Variants in ARHGAP20 observed in about 807,000 individuals in gnomAD.
ARHGAP20 encodes rho GTPase-activating protein 20.
Under a neutral mutation model 73.7 loss-of-function variants are expected in ARHGAP20, and 34 were observed. The ratio of observed to expected loss-of-function variants is 0.46; its 90% confidence interval spans 0.35 to 0.61. ARHGAP20 has a LOEUF of 0.61. Among genes scored for constraint, ARHGAP20 ranks in the 20% least tolerant of loss-of-function variants. The pLI, the probability that ARHGAP20 is intolerant of heterozygous loss-of-function variation, is 0.00. For synonymous variants in ARHGAP20, 523 were observed against 518.2 expected, an observed-to-expected ratio of 1.01 and a Z score of -0.13; for missense variants, 1,314 against 1,420.9, an observed-to-expected ratio of 0.92 and a Z score of 1.21.
intron 2 of ARHGAP20, among the ~76,000 whole-genome samples, chr11:110,659,887 C>T (rs1217849843): frequency 2.7e-5 from 4 of 150,620 alleles, no homozygotes; most frequent in Admixed American, 6.6e-5. Context: ...GGGAATATCA[C>T]ACTCTGAGGA....
intron 9 of ARHGAP20, among the ~76,000 whole-genome samples, chr11:110,604,685 C>T (rs1235579933): frequency 5.3e-5 from 8 of 151,886 alleles, no homozygotes; most frequent in Admixed American, 1.3e-4. Flanking sequence ...CCAAGGGGAA[C>T]GAAAAATTTT....
intron 9 of ARHGAP20, among the ~76,000 whole-genome samples, chr11:110,600,814 T>A (rs1400729744): frequency 6.9e-6 from 1 of 145,304 alleles, no homozygotes; most frequent in Non-Finnish European, 1.5e-5. Context: ...CCACTGGGGA[T>A]CAACCATTCC....
At chr11:110,681,174 A>G (rs1950030190) in intron 2 of ARHGAP20, among the ~76,000 whole-genome samples, 1 of 152,242 alleles carries the variant, frequency 6.6e-6, no homozygotes. Flanking sequence ...AAGACAGCAC[A>G]TGGAACAGTG....
At chr11:110,707,049 A>C (rs1441357364) in intron 1 of ARHGAP20, among the ~76,000 whole-genome samples, 3 of 152,146 alleles carry the variant, frequency 2.0e-5, no homozygotes. Flanking sequence ...GAGGTGTTAT[A>C]AACAGATTTG....
chr11:110,628,050 A>T (rs1338762728), intron 3 of ARHGAP20, among the ~76,000 whole-genome samples: 1 of 152,206 alleles, frequency 6.6e-6, no homozygotes, highest in Non-Finnish European at 1.5e-5. Flanking sequence ...AAAAGAAGGA[A>T]GTATTTAATA....
intron 14 of ARHGAP20, 47 bp from the exon 15 acceptor site, chr11:110,581,272 T>C (rs1220526258): frequency 1.3e-6 from 2 of 1,520,814 alleles, no homozygotes; most frequent in Non-Finnish European, 1.8e-6. Context: ...TTACCACAAA[T>C]ATACTCATGC....
chr11:110,611,212 T>C, intron 7 of ARHGAP20, 97 bp downstream of exon 7: 4 of 734,322 alleles, frequency 5.4e-6, no homozygotes, highest in Non-Finnish European at 8.6e-6. Context: ...TTGGTATCTC[T>C]AATAATCAGC....
At chr11:110,659,022 G>A (rs1235745875) in intron 2 of ARHGAP20, among the ~76,000 whole-genome samples, 5 of 151,584 alleles carry the variant, frequency 3.3e-5, no homozygotes, top group South Asian at 2.1e-4. Flanking sequence ...ATAAACATAC[G>A]TGTGCATGTG....
intron 1 of ARHGAP20, among the ~76,000 whole-genome samples, chr11:110,697,842 G>A (rs1352139442): frequency 6.6e-6 from 1 of 151,826 alleles, no homozygotes; most frequent in African/African-American, 2.4e-5. Context: ...AGTATAATTT[G>A]AAGTCAGGCA....
At chr11:110,649,954 T>C (rs1355218749) in intron 2 of ARHGAP20, among the ~76,000 whole-genome samples, 9 of 152,144 alleles carry the variant, frequency 5.9e-5, no homozygotes. Context: ...CCATAGCTTA[T>C]GTTTAAATTA....
At position 110,619,656 on chromosome 11, in the gene ARHGAP20, T is replaced by C. The variant is rs35833201; in HGVS notation, c.504-4062A>G. ...AGTATATGCAGTGATAGAGTATATG[T>C]AGTGATAGAGTATATGCAGTGATAG... is the stretch of plus-strand genomic sequence containing the variant. On this transcript the variant is annotated intron_variant, in intron 4 of 14. Coordinates refer to ENST00000683387, the MANE Select transcript of ARHGAP20 (RefSeq NM_001384657.1). Among the ~76,000 whole-genome samples the C allele has an allele frequency of 3.9e-3, 446 of 114,056 alleles. 7 individuals carry two copies. Among genetic ancestry groups the C allele is most frequent in the African/African-American group, 0.012 (377 of 32,664 alleles). The allele number at this position is 114,056 out of a possible 152,430, so 74.8% of individuals were successfully genotyped here.
chr11:110,694,738 T>C (rs1950305060), intron 1 of ARHGAP20, among the ~76,000 whole-genome samples: 1 of 151,572 alleles, frequency 6.6e-6, no homozygotes, highest in South Asian at 2.1e-4. Context: ...ATTTTCTCCC[T>C]TCCTTCAACA....
chr11:110,665,930 T>G (rs2135055837), intron 2 of ARHGAP20, among the ~76,000 whole-genome samples: 1 of 152,112 alleles, frequency 6.6e-6, no homozygotes, highest in African/African-American at 2.4e-5. Context: ...CGAGAAATGC[T>G]ACCAGATAAG....
At position 110,580,187 on chromosome 11, in the gene ARHGAP20, T is replaced by C; in HGVS notation, c.2759A>G (p.Glu920Gly). ...GKSSATNQNT[E>G]KVLPPRLNLC... is the part of the protein sequence containing the mutation. Reference sequence around the variant, plus strand: ...GTTTAATCTTGGGGGTAAAACCTTCTCAGTGTTTTGGTTTGTGGCACTACT... The same window carrying C: ...GTTTAATCTTGGGGGTAAAACCTTCCCAGTGTTTTGGTTTGTGGCACTACT... Residue 920 changes from glutamate (E) to glycine (G), a missense_variant, in exon 15 of 15, where the codon GAG becomes GGG. Physicochemically the swap from Glu to Gly is moderately conservative, Grantham distance 98. Transcript: ENST00000683387. The C allele has an allele frequency of 6.2e-7, 1 of 1,614,220 alleles. No homozygotes were observed. Among genetic ancestry groups the C allele is most frequent in the Non-Finnish European group, 8.5e-7 (1 of 1,180,044 alleles).
At chr11:110,624,344 T>A (rs1162945145) in intron 3 of ARHGAP20, 33 bp from the exon 4 acceptor site, 6 of 1,480,684 alleles carry the variant, frequency 4.1e-6, no homozygotes, top group Non-Finnish European at 9.0e-7. Context: ...GAACCTTTTG[T>A]TATTTTGTTT....
intron 2 of ARHGAP20, among the ~76,000 whole-genome samples, chr11:110,674,478 CAT>C (rs1257791245): frequency 1.3e-5 from 2 of 152,158 alleles, no homozygotes; most frequent in African/African-American, 4.8e-5. Context: ...TACTTGATCT[CAT>C]GTGACAAGTC....
chr11:110,642,605 T>C (rs1211023805), intron 2 of ARHGAP20, among the ~76,000 whole-genome samples: 1 of 152,158 alleles, frequency 6.6e-6, no homozygotes, highest in Non-Finnish European at 1.5e-5. Flanking sequence ...TTGTGTATGC[T>C]GAACCAACCT....
rs1398203856 is a variant in ARHGAP20, at chr11:110,586,160, A to G, written c.1415+56T>C. The G allele has an allele frequency of 1.4e-5, 13 of 917,066 alleles. No individual in the cohort carries two copies. The Admixed American group carries it at 4.1e-4, about 29-fold the overall frequency. 56.8% of individuals were successfully genotyped at this position (917,066 alleles called of 1,614,324 possible). ...ATAGCTGTCATTATTTTAATAAATA[A>G]TCTTATAAAATATTTTTAAAGTATT... On this transcript the variant is annotated intron_variant, in intron 12 of 14. Transcript: ENST00000683387.
intron 2 of ARHGAP20, among the ~76,000 whole-genome samples, chr11:110,653,350 T>C (rs1949396822): frequency 6.6e-6 from 1 of 152,112 alleles, no homozygotes. Flanking sequence ...ATCCAGAATC[T>C]ACAAGGAACT....
Sources: allele counts gnomAD v4.1 joint callset (sites outside exome capture counted in the v4.1 genomes callset), GRCh38; gene constraint gnomAD v4.1.1; transcripts MANE v1.5; gene names NCBI Gene and HGNC (gene_info 2026-07-23, HGNC 2026-07-21).